The following IDI1 variants were observed in gnomAD, a reference collection of about 807,000 sequenced individuals.
The protein encoded by IDI1 is isopentenyl-diphosphate delta isomerase 1, also known as isopentenyl-diphosphate Delta-isomerase 1.
Under a neutral mutation model 32.9 loss-of-function variants are expected in IDI1, and 23 were observed. That is an observed-to-expected ratio of 0.70 (90% CI 0.50 to 0.99). The LOEUF (loss-of-function observed/expected upper bound fraction) is 0.99, where lower values mean the gene tolerates loss of function less well. Ranked by LOEUF, IDI1 falls within the 50% of genes least tolerant of loss-of-function variation. IDI1 has a pLI of 0.00. For synonymous variants in IDI1, 133 were observed against 128.2 expected (o/e 1.04, Z -0.25); for missense variants, 326 against 351.9 (o/e 0.93, Z 0.59).
At chr10:1,046,281 T>C (rs918290669) in intron 1 of IDI1, among the ~76,000 whole-genome samples, 1 of 152,202 alleles carries the variant, frequency 6.6e-6, no homozygotes, top group Admixed American at 6.5e-5. Context: ...ATAACAGAAC[T>C]GACATATTCC....
At position 1,042,028 on chromosome 10, in the gene IDI1, C is replaced by T. The variant is rs540628526; in HGVS notation, c.538-524G>A. ...TTCACCATGTTGGTCAGGCTGGTCT[C>T]GAACTCCTGACCTCGTGATCCACCT... On this transcript the variant is annotated intron_variant, in intron 4 of 4. Transcript: ENST00000381344. Among the ~76,000 whole-genome samples the T allele has an allele frequency of 6.5e-4, 99 of 152,058 alleles. 1 individual carries two copies. The highest frequency in any genetic ancestry group is 2.3e-3 in the African/African-American group (95 of 41,460).
intron 1 of IDI1, among the ~76,000 whole-genome samples, chr10:1,044,824 G>T (rs1832751971): frequency 6.6e-6 from 1 of 152,196 alleles, no homozygotes; most frequent in African/African-American, 2.4e-5. Context: ...AACAGGAGAA[G>T]ACTTAATTCG....
Position 1,041,029 on chromosome 10 carries a change from A to G in IDI1, c.*158T>C, listed in dbSNP as rs970409983. 1 of 521,678 alleles carries G rather than the reference A, an allele frequency of 1.9e-6. No individual in the cohort carries two copies. Among genetic ancestry groups the G allele is most frequent in the African/African-American group, 1.9e-5 (1 of 52,558 alleles). The allele number at this position is 521,678 out of a possible 1,614,324, so 32.3% of individuals were successfully genotyped here. On this transcript the variant is annotated 3_prime_UTR_variant, in exon 5 of 5. Transcript: ENST00000381344. ...AATTATAAGTTAGTTTTTTCCACAC[A>G]AGTTTTAAAGTATCAGTGTATATAA...
rs1041187507 is a variant in IDI1, at chr10:1,041,268, T to C, written c.774A>G (p.Ala258=). The C allele has an allele frequency of 1.9e-6, 3 of 1,613,348 alleles. No homozygotes were observed. Among genetic ancestry groups the C allele is most frequent in the Non-Finnish European group, 2.5e-6 (3 of 1,179,490 alleles). Residue 258 remains alanine (A), a synonymous_variant, in exon 5 of 5, where the codon GCA becomes GCG. Transcript: ENST00000381344. Reference sequence around the variant, plus strand: ...CCCACCATTTAAAGAGAAAAGTCGCTGCAATAATTTTAAACCATGGCGTTA... The same window carrying C: ...CCCACCATTTAAAGAGAAAAGTCGCCGCAATAATTTTAAACCATGGCGTTA... ...IKITPWFKII[A]ATFLFKWWDN...
At chr10:1,053,365 T>C (rs1191104854), upstream of IDI1, among the ~76,000 whole-genome samples, 1 of 152,238 alleles carries the variant, frequency 6.6e-6, no homozygotes, top group African/African-American at 2.4e-5. Context: ...CAACCTCTGA[T>C]AGCTTCAGAT....
chr10:1,043,925 C>CAGAG, intron 2 of IDI1, 74 bp downstream of exon 2: 1 of 1,278,588 alleles, frequency 7.8e-7, no homozygotes. Flanking sequence ...CTTCCTTGAA[C>CAGAG]AGAGTGCTCT....
rs112832376 is a variant in IDI1 at position 1,041,514 on chromosome 10, T to TAA, written c.538-12_538-11dup. Reference sequence around the variant, plus strand: ...TTTCTTCTGGAGGAACCTAAGACATTAAAAAAAAAAAAGTAATTAAAACAT... The same window carrying TAA: ...TTTCTTCTGGAGGAACCTAAGACATTAAAAAAAAAAAAAAGTAATTAAAACAT... On this transcript the variant is annotated splice_polypyrimidine_tract_variant and intron_variant, in intron 4 of 4. Coordinates refer to ENST00000381344, the MANE Select transcript of IDI1 (RefSeq NM_004508.4). 387 of 1,220,334 alleles carry TAA rather than the reference T, an allele frequency of 3.2e-4. No individual in the cohort carries two copies. Among genetic ancestry groups the TAA allele is most frequent in the African/African-American group, 1.1e-3 (73 of 64,184 alleles). The allele number at this position is 1,220,334 out of a possible 1,614,324, so 75.6% of individuals were successfully genotyped here. A position where few individuals can be genotyped will look rare whatever the true frequency, so the allele number is the denominator to read the frequency against.
intron 1 of IDI1, 142 bp from the exon 2 acceptor site, chr10:1,044,313 C>G (rs1430640294): frequency 1.5e-5 from 9 of 613,158 alleles, no homozygotes; most frequent in Non-Finnish European, 2.5e-5. Context: ...ACGCTGCCAG[C>G]CGGCTGCTCA....
chr10:1,049,153 G>C (rs572428613), upstream of IDI1: 5 of 1,273,124 alleles, frequency 3.9e-6, no homozygotes, highest in South Asian at 8.2e-5. Context: ...CCTTTAAGGG[G>C]GTCAACACGC....
In IDI1 at chr10:1,041,178, C is replaced by A. The variant is rs771450079; in HGVS notation, c.*9G>T. The A allele has an allele frequency of 6.7e-7, 1 of 1,499,374 alleles. No individual in the cohort carries two copies. The highest frequency in any genetic ancestry group is 1.2e-5 in the South Asian group (1 of 83,998). The allele number at this position is 1,499,374 out of a possible 1,614,324, so 92.9% of individuals were successfully genotyped here. A position where few individuals can be genotyped will look rare whatever the true frequency, so the allele number is the denominator to read the frequency against. On this transcript the variant is annotated 3_prime_UTR_variant, in exon 5 of 5. Transcript: ENST00000381344. ...AGATAAATTTTTCTGTAATCATTTA[C>A]CTACATATTCACATTCTGTATATTT...
Position 1,043,725 on chromosome 10 carries a change from G to A in IDI1, c.313+274C>T, listed in dbSNP as rs1261022671. On this transcript the variant is annotated intron_variant, in intron 2 of 4. Transcript: ENST00000381344. ...CTCTCCACTCTCTAGAAATATTAGA[G>A]GCTAGGCTGCTGCTGTATGTCAGGG... is the stretch of plus-strand genomic sequence containing the variant. The A allele has an allele frequency of 6.1e-6, 4 of 651,286 alleles. No individual in the cohort carries two copies. The East Asian group carries it at 9.3e-5, about 15-fold the overall frequency. 40.3% of individuals were successfully genotyped at this position (651,286 alleles called of 1,614,324 possible).
chr10:1,048,052 A>G (rs4880759), intron 1 of IDI1, among the ~76,000 whole-genome samples: 136,530 of 152,132 alleles, frequency 0.9, 61,420 homozygotes, highest in Non-Finnish European at 0.91. Context: ...GGGTCTTGCT[A>G]TGTCTGTCGC....
chr10:1,049,354 A>T (rs1394568562), upstream of IDI1, among the ~76,000 whole-genome samples: 1 of 151,982 alleles, frequency 6.6e-6, no homozygotes, highest in Non-Finnish European at 1.5e-5. Flanking sequence ...CCCGGGCGCC[A>T]AGCCCTGCAG....
chr10:1,052,548 T>A (rs546570851), upstream of IDI1, among the ~76,000 whole-genome samples: 1 of 152,326 alleles, frequency 6.6e-6, no homozygotes, highest in East Asian at 1.9e-4. Flanking sequence ...AGCTCTTGGG[T>A]GAACAGGAGC....
intron 1 of IDI1, 54 bp from the exon 2 acceptor site, chr10:1,044,225 A>T: frequency 7.4e-7 from 1 of 1,355,884 alleles, no homozygotes; most frequent in Non-Finnish European, 1.0e-6. Flanking sequence ...TCTGAATGTC[A>T]TATAAACACA....
chr10:1,052,757 AATG>A (rs1314038633), upstream of IDI1, among the ~76,000 whole-genome samples: 2 of 152,152 alleles, frequency 1.3e-5, no homozygotes, highest in Admixed American at 6.5e-5. Flanking sequence ...GGATTTTCAG[AATG>A]ATAAATGAGC....
chr10:1,049,472 T>TC (rs72449284), upstream of IDI1: 10,380 of 106,498 alleles, frequency 0.097, 428 homozygotes, highest in East Asian at 0.14. Flanking sequence ...CTCCCCCCCC[T>TC]CCCCCCCCCC....
chr10:1,053,225 C>T (rs1833059548), upstream of IDI1, among the ~76,000 whole-genome samples: 2 of 152,230 alleles, frequency 1.3e-5, no homozygotes, highest in Non-Finnish European at 2.9e-5. Context: ...TGGTCTTGAA[C>T]TCCTCACCTC....
chr10:1,048,250 C>T (rs1832859808), intron 1 of IDI1: 4 of 1,303,304 alleles, frequency 3.1e-6, no homozygotes, highest in Non-Finnish European at 3.0e-6. Context: ...TCTATTTATG[C>T]GTTTAAAGAA....
Sources: gnomAD v4.1 joint callset for allele counts (sites outside exome capture counted in the v4.1 genomes callset) on GRCh38, gnomAD v4.1.1 for gene constraint, MANE v1.5 for transcripts, NCBI Gene and HGNC (gene_info 2026-07-23, HGNC 2026-07-21) for gene names.